WDPCP: variants seen among roughly 807,000 people sequenced by gnomAD.
The protein encoded by WDPCP is WD repeat containing planar cell polarity effector.
In WDPCP, 71 loss-of-function variants were observed where a neutral mutation model predicts 93.1. That is an observed-to-expected ratio of 0.76 (90% CI 0.63 to 0.93). WDPCP has a LOEUF of 0.93. Among genes scored for constraint, WDPCP ranks in the 40% least tolerant of loss-of-function variants. The pLI is 0.00. For missense variants in WDPCP, 844 were observed against 887.4 expected (o/e 0.95, Z 0.62); for synonymous variants, 315 against 315.0 (o/e 1.00, Z 0.00).
intron 1 of WDPCP, among the ~76,000 whole-genome samples, chr2:63,498,675 G>A (rs773252480): frequency 4.2e-4 from 64 of 152,274 alleles, no homozygotes; most frequent in Non-Finnish European, 7.6e-4. Flanking sequence ...TACTCTGCCC[G>A]GGTAAAGTAT....
At chr2:63,212,796 A>AAAC (rs1312626806) in intron 14 of WDPCP, among the ~76,000 whole-genome samples, 1 of 147,962 alleles carries the variant, frequency 6.8e-6, no homozygotes, top group African/African-American at 2.5e-5. Flanking sequence ...ATGGAAAACA[A>AAAC]AAAAAAAAAA....
chr2:63,141,568 G>A (rs1400277990), intron 17 of WDPCP, among the ~76,000 whole-genome samples: 2 of 152,166 alleles, frequency 1.3e-5, no homozygotes, highest in Non-Finnish European at 2.9e-5. Flanking sequence ...AAGGATATCG[G>A]TCTATAGTTT....
chr2:63,600,484 T>C (rs1709397737), intron 3 of WDPCP, among the ~76,000 whole-genome samples: 1 of 152,050 alleles, frequency 6.6e-6, no homozygotes, highest in Admixed American at 6.5e-5. Flanking sequence ...AGCTCTGTGA[T>C]TTTGAGAAAG....
Position 63,249,761 on chromosome 2 carries a change from G to T in WDPCP, c.1915+9546C>A, listed in dbSNP as rs370734404. 2.0e-5 allele frequency among the ~76,000 whole-genome samples: 3 copies of T among 152,274 alleles called. No individual in the cohort carries two copies. The East Asian group carries it at 5.8e-4, about 29-fold the overall frequency. ...ATGGTAGTCTTCCTTTATCCATGGG[G>T]TATATGTTCAAAGACCCCCAGTGAA... On this transcript the variant is annotated intron_variant, in intron 14 of 17. Coordinates refer to ENST00000272321, the MANE Select transcript of WDPCP (RefSeq NM_015910.7).
upstream of WDPCP, among the ~76,000 whole-genome samples, chr2:63,591,344 C>G (rs1709198132): frequency 1.3e-5 from 2 of 152,210 alleles, no homozygotes; most frequent in Non-Finnish European, 2.9e-5. Flanking sequence ...TTCAGACATT[C>G]AAACACTAAG....
chr2:63,307,094 A>G (rs1258037004), intron 13 of WDPCP, among the ~76,000 whole-genome samples: 3 of 152,212 alleles, frequency 2.0e-5, no homozygotes, highest in Non-Finnish European at 4.4e-5. Flanking sequence ...CTTATACACC[A>G]ATAACAGACA....
chr2:63,483,242 G>A (rs1261408171), intron 6 of WDPCP, among the ~76,000 whole-genome samples: 1 of 151,956 alleles, frequency 6.6e-6, no homozygotes, highest in South Asian at 2.1e-4. Flanking sequence ...TGTTTTTAAC[G>A]TGAGTAATGG....
At chr2:63,467,776 C>CAA (rs3051717) in intron 6 of WDPCP, among the ~76,000 whole-genome samples, 113 of 87,656 alleles carry the variant, frequency 1.3e-3, no homozygotes, top group Non-Finnish European at 2.1e-3. Context: ...ACTCAGTCTC[C>CAA]AAAAAAAAAA....
chr2:63,810,712 T>C (rs1252688249), intron 2 of WDPCP, among the ~76,000 whole-genome samples: 1 of 152,228 alleles, frequency 6.6e-6, no homozygotes, highest in South Asian at 2.1e-4. Flanking sequence ...TTATACCTAT[T>C]ATGTAGCAAT....
Position 63,782,142 on chromosome 2 carries a change from G to A in WDPCP, n.308+31480C>T, listed in dbSNP as rs181070696. Among the ~76,000 whole-genome samples, 146 of 151,932 alleles carry A rather than the reference G, an allele frequency of 9.6e-4. 1 individual carries two copies. The highest frequency in any genetic ancestry group is 2.9e-3 in the African/African-American group (122 of 41,460). On this transcript the variant is annotated intron_variant and non_coding_transcript_variant, in intron 2 of 4. Coordinates refer to the WDPCP transcript ENST00000467687. The stretch of plus-strand genomic sequence containing the variant: ...AAGAATGAAACTGGACCTGTATCTC[G>A]CACCATATTAAAAAATCAACTCAAG...
At chr2:63,565,364 T>G (rs1472983277) in intron 1 of WDPCP, among the ~76,000 whole-genome samples, 1 of 152,190 alleles carries the variant, frequency 6.6e-6, no homozygotes. Context: ...TGACTGTTGG[T>G]CAGAACCAAC....
At chr2:63,677,353 A>G (rs1327665451) in intron 2 of WDPCP, among the ~76,000 whole-genome samples, 3 of 152,200 alleles carry the variant, frequency 2.0e-5, no homozygotes, top group African/African-American at 7.2e-5. Flanking sequence ...AACTAAGAAT[A>G]AAAACAGATA....
chr2:63,281,752 C>T (rs535742533), intron 13 of WDPCP, among the ~76,000 whole-genome samples: 5 of 152,232 alleles, frequency 3.3e-5, no homozygotes, highest in Middle Eastern at 3.4e-3. Context: ...TATGTTCTCA[C>T]TCACAAGTGG....
chr2:63,694,497 G>A (rs972448972), intron 2 of WDPCP, among the ~76,000 whole-genome samples: 2 of 152,036 alleles, frequency 1.3e-5, no homozygotes, highest in African/African-American at 2.4e-5. Context: ...TGAATAAAGT[G>A]GATGACACTC....
chr2:63,621,465 A>G (rs1047753232), intron 3 of WDPCP, among the ~76,000 whole-genome samples: 1 of 152,066 alleles, frequency 6.6e-6, no homozygotes, highest in African/African-American at 2.4e-5. Context: ...TGTGAAGACA[A>G]GATTAGAGAA....
At chr2:63,468,337 G>A (rs1326432533) in intron 6 of WDPCP, among the ~76,000 whole-genome samples, 3 of 152,054 alleles carry the variant, frequency 2.0e-5, no homozygotes, top group Admixed American at 2.0e-4. Context: ...AACTGACACT[G>A]AGCATGATTG....
intron 1 of WDPCP, among the ~76,000 whole-genome samples, chr2:63,509,227 AAC>A: frequency 6.6e-6 from 1 of 152,334 alleles, no homozygotes; most frequent in Admixed American, 6.5e-5. Context: ...AATCAAAACA[AAC>A]AGTTTATCAG....
chr2:63,362,808 T>C (rs1568175), intron 12 of WDPCP, among the ~76,000 whole-genome samples: 121,818 of 152,016 alleles, frequency 0.8, 49,685 homozygotes, highest in East Asian at 0.97. Flanking sequence ...GGAACTACCA[T>C]ACCCTGCTAA....
At chr2:63,279,972 A>G (rs1452292717) in intron 13 of WDPCP, among the ~76,000 whole-genome samples, 2 of 152,252 alleles carry the variant, frequency 1.3e-5, no homozygotes, top group African/African-American at 4.8e-5. Flanking sequence ...ACTGAAAGAA[A>G]TAATAGACAA....
Sources: gnomAD v4.1 joint callset for allele counts (sites outside exome capture counted in the v4.1 genomes callset) on GRCh38, gnomAD v4.1.1 for gene constraint, MANE v1.5 for transcripts, NCBI Gene and HGNC (gene_info 2026-07-23, HGNC 2026-07-21) for gene names.